The following PSMA1 variants were observed in gnomAD, a reference collection of about 807,000 sequenced individuals.
PSMA1 encodes proteasome 20S subunit alpha 1, also known as proteasome subunit alpha type-1.
In PSMA1, 3 loss-of-function variants were observed where a neutral mutation model predicts 38.4. The ratio of observed to expected loss-of-function variants is 0.08; its 90% CI spans 0.04 to 0.20. The LOEUF (loss-of-function observed/expected upper bound fraction) is 0.20, where lower values mean the gene tolerates loss of function less well. Ranked by LOEUF, PSMA1 falls within the 10% of genes least tolerant of loss-of-function variation. The probability of loss-of-function intolerance (pLI) is 1.00; values close to 1 mark genes in which losing one functional copy is unlikely to be tolerated. For missense variants in PSMA1, 227 were observed against 325.3 expected, an observed-to-expected ratio of 0.70 and a Z score of 2.32; for synonymous variants, 101 against 107.1, an observed-to-expected ratio of 0.94 and a Z score of 0.35.
intron 2 of PSMA1, among the ~76,000 whole-genome samples, chr11:14,599,137 GT>G (rs1852545111): frequency 6.6e-6 from 1 of 152,174 alleles, no homozygotes; most frequent in Non-Finnish European, 1.5e-5. Context: ...CCCTTTGTGG[GT>G]AACCCAACCT....
At chr11:14,568,344 C>T (rs2134176564) in intron 2 of PSMA1, among the ~76,000 whole-genome samples, 1 of 152,250 alleles carries the variant, frequency 6.6e-6, no homozygotes, top group South Asian at 2.1e-4. Context: ...TGCTGCCTTC[C>T]CTGGAGCTTG....
At chr11:14,583,282 C>G (rs965268196) in intron 2 of PSMA1, among the ~76,000 whole-genome samples, 4 of 152,202 alleles carry the variant, frequency 2.6e-5, no homozygotes, top group African/African-American at 9.7e-5. Context: ...TGAGTTCAGA[C>G]AGTACATCAC....
At chr11:14,601,944 C>G (rs1238227369) in intron 2 of PSMA1, among the ~76,000 whole-genome samples, 1 of 152,158 alleles carries the variant, frequency 6.6e-6, no homozygotes. Flanking sequence ...TTACCCGCAC[C>G]CTTCACCATT....
chr11:14,609,442 C>A (rs76505459), intron 2 of PSMA1, among the ~76,000 whole-genome samples: 413 of 152,102 alleles, frequency 2.7e-3, no homozygotes, highest in African/African-American at 9.5e-3. Flanking sequence ...TTGGGGAAGA[C>A]CTTTTTTAAA....
chr11:14,517,769 T>TA (rs59770964), intron 3 of PSMA1, 24 bp from the exon 4 acceptor site: 11,674 of 1,315,540 alleles, frequency 8.9e-3, no homozygotes, highest in Non-Finnish European at 9.9e-3. Context: ...TTATAAGATG[T>TA]AAAAAAAAAA....
chr11:14,505,293 G>A (rs751880336), intron 9 of PSMA1, 45 bp from the exon 10 acceptor site: 8 of 1,454,542 alleles, frequency 5.5e-6, no homozygotes, highest in Non-Finnish European at 7.7e-6. Flanking sequence ...ATGAACACTT[G>A]ATCAATATAC....
chr11:14,520,481 T>G, upstream of PSMA1: 1 of 1,470,486 alleles, frequency 6.8e-7, no homozygotes, highest in Non-Finnish European at 9.0e-7. Context: ...CTTAAAACTT[T>G]CCGACCGCTC....
chr11:14,535,444 C>CTTTT (rs766986230), intron 2 of PSMA1, among the ~76,000 whole-genome samples: 15 of 135,850 alleles, frequency 1.1e-4, no homozygotes, highest in Non-Finnish European at 1.8e-4. Context: ...TTCTTTCTTT[C>CTTTT]TTTTTTTTTT....
chr11:14,562,947 G>A (rs1179150821), intron 2 of PSMA1, among the ~76,000 whole-genome samples: 1 of 152,000 alleles, frequency 6.6e-6, no homozygotes, highest in African/African-American at 2.4e-5. Context: ...AATTATCATT[G>A]CATTAAATCT....
chr11:14,628,967 T>C (rs1487984249), intron 1 of PSMA1, among the ~76,000 whole-genome samples: 1 of 151,382 alleles, frequency 6.6e-6, no homozygotes, highest in African/African-American at 2.4e-5. Context: ...AATGTCTTCT[T>C]TTGAGAAGTG....
At chr11:14,636,912 G>C (rs1322780340) in intron 1 of PSMA1, among the ~76,000 whole-genome samples, 1 of 151,996 alleles carries the variant, frequency 6.6e-6, no homozygotes, top group African/African-American at 2.4e-5. Flanking sequence ...TCTTTCATTT[G>C]GCCAATTATA....
intron 8 of PSMA1, among the ~76,000 whole-genome samples, chr11:14,509,494 GTTTT>G (rs767257317): frequency 1.1e-4 from 16 of 139,182 alleles, no homozygotes; most frequent in African/African-American, 4.2e-4. Context: ...CCTACAATCT[GTTTT>G]TTTTTTTTTT....
At chr11:14,640,611 G>C (rs1853187133) in intron 1 of PSMA1, among the ~76,000 whole-genome samples, 1 of 152,106 alleles carries the variant, frequency 6.6e-6, no homozygotes, top group South Asian at 2.1e-4. Context: ...CAGATTCTGA[G>C]ATGAGTATTA....
chr11:14,624,813 G>A (rs1200576404), intron 1 of PSMA1, among the ~76,000 whole-genome samples: 2 of 152,160 alleles, frequency 1.3e-5, no homozygotes, highest in African/African-American at 4.8e-5. Flanking sequence ...GAAAGGACAT[G>A]TACAACGACC....
intron 1 of PSMA1, among the ~76,000 whole-genome samples, chr11:14,638,969 A>T (rs1263306385): frequency 6.6e-6 from 1 of 152,104 alleles, no homozygotes; most frequent in African/African-American, 2.4e-5. Flanking sequence ...TATAATAAAA[A>T]ATCCAGGAAA....
intron 2 of PSMA1, among the ~76,000 whole-genome samples, chr11:14,556,099 T>TC (rs1253429744): frequency 6.6e-6 from 1 of 152,182 alleles, no homozygotes; most frequent in Non-Finnish European, 1.5e-5. Flanking sequence ...TTCCTCCACA[T>TC]CCCCCTTTTG....
intron 2 of PSMA1, among the ~76,000 whole-genome samples, chr11:14,531,719 C>T (rs1269081539): frequency 1.3e-5 from 2 of 152,144 alleles, no homozygotes; most frequent in Non-Finnish European, 2.9e-5. Context: ...CTTCACCTCC[C>T]AAAGTGCTGG....
chr11:14,602,592 A>G (rs1852596472), intron 2 of PSMA1, among the ~76,000 whole-genome samples: 1 of 152,220 alleles, frequency 6.6e-6, no homozygotes, highest in South Asian at 2.1e-4. Flanking sequence ...GGAGGAGTAG[A>G]AAGTCATGCT....
intron 2 of PSMA1, among the ~76,000 whole-genome samples, chr11:14,609,475 T>C (rs980576445): frequency 5.3e-5 from 8 of 152,132 alleles, no homozygotes; most frequent in Admixed American, 1.3e-4. Flanking sequence ...ATATTTAACA[T>C]ATTAGTGACA....
Sources: gnomAD v4.1 joint callset for allele counts (sites outside exome capture counted in the v4.1 genomes callset) on GRCh38, gnomAD v4.1.1 for gene constraint, MANE v1.5 for transcripts, NCBI Gene and HGNC (gene_info 2026-07-23, HGNC 2026-07-21) for gene names.